Variants in FIG4 observed in about 807,000 individuals in gnomAD.
FIG4 encodes the protein FIG4 phosphoinositide 5-phosphatase.
A neutral mutation model predicts 118.6 loss-of-function variants in FIG4; 112 were observed. That is an observed-to-expected ratio of 0.94 (90% CI 0.81 to 1.11). The LOEUF (loss-of-function observed/expected upper bound fraction) is 1.11. Ranked by LOEUF, FIG4 falls within the 50% of genes least tolerant of loss-of-function variation. The pLI is 0.00. For missense variants in FIG4, 969 were observed against 1,111.7 expected, an observed-to-expected ratio of 0.87 and a Z score of 1.83; for synonymous variants, 369 against 381.2, an observed-to-expected ratio of 0.97 and a Z score of 0.37.
chr6:109,817,047 T>C (rs1778880709), intron 22 of FIG4, among the ~76,000 whole-genome samples: 1 of 152,194 alleles, frequency 6.6e-6, no homozygotes, highest in African/African-American at 2.4e-5. Context: ...GGATGACCAG[T>C]TGTGCAGAGG....
chr6:109,774,149 C>CTTT (rs1165240225), intron 15 of FIG4, among the ~76,000 whole-genome samples: 2 of 152,142 alleles, frequency 1.3e-5, no homozygotes, highest in Non-Finnish European at 2.9e-5. Context: ...GTTAATTATA[C>CTTT]AAAGTACAGA....
intron 15 of FIG4, 150 bp downstream of exon 15, chr6:109,767,045 A>G: frequency 3.0e-6 from 2 of 663,784 alleles, no homozygotes; most frequent in East Asian, 2.7e-5. Context: ...CTCAGTAAAT[A>G]TTTGTCCAAT....
chr6:109,746,590 T>C (rs1031715160), intron 10 of FIG4, among the ~76,000 whole-genome samples: 1 of 152,114 alleles, frequency 6.6e-6, no homozygotes, highest in Admixed American at 6.6e-5. Context: ...GATGCTTGTT[T>C]TGAGATGAGG....
At chr6:109,755,270 A>G (rs1405964548) in intron 10 of FIG4, among the ~76,000 whole-genome samples, 6 of 151,994 alleles carry the variant, frequency 3.9e-5, no homozygotes, top group Admixed American at 1.3e-4. Flanking sequence ...TTAATCCTGA[A>G]TTCTAGTTTG....
At chr6:109,691,963 T>C (rs1430682721) in intron 1 of FIG4, among the ~76,000 whole-genome samples, 1 of 152,256 alleles carries the variant, frequency 6.6e-6, no homozygotes, top group Non-Finnish European at 1.5e-5. Flanking sequence ...TACACTTCTA[T>C]TGGTGAACTT....
rs780555609 is a variant in FIG4 at position 109,715,176 on chromosome 6, G to A, written c.165G>A (p.Arg55=). Residue 55 remains arginine (R), a splice_region_variant and synonymous_variant, in exon 2 of 23, where the codon AGG becomes AGA. Transcript: ENST00000230124. ...AAGATTTGGTCATAATTGATGACAG[G>A]GTAAGTATCCTCCAAACCTGACTGC... ...EPKDLVIIDD[R]HVYTQQEVRE... 1 of 1,548,486 alleles carries A rather than the reference G, an allele frequency of 6.5e-7. No individual in the cohort carries two copies. Among genetic ancestry groups the A allele is most frequent in the South Asian group, 1.1e-5 (1 of 89,670 alleles).
rs780824714 is a variant in FIG4 at position 109,796,742 on chromosome 6, C to T, written c.2460-23C>T. 2.4e-5 allele frequency: 34 copies of T among 1,427,026 alleles called. No individual in the cohort carries two copies. In the South Asian group the frequency reaches 3.9e-4, roughly 16 times the overall value. The allele number at this position is 1,427,026 out of a possible 1,614,324, so 88.4% of individuals were successfully genotyped here. On this transcript the variant is annotated intron_variant, in intron 21 of 22. Transcript: ENST00000230124. ...TGCAAGTACTCCCTTCTTTAGCTGA[C>T]TCTTATCCATTGTAATTTGTAGATT...
At chr6:109,691,588 C>T in intron 1 of FIG4, 87 bp downstream of exon 1, 1 of 1,133,902 alleles carries the variant, frequency 8.8e-7, no homozygotes, top group Non-Finnish European at 1.3e-6. Context: ...CTGTACTCTG[C>T]CTCCTCCTCC....
intron 15 of FIG4, among the ~76,000 whole-genome samples, chr6:109,773,022 C>T (rs1006785492): frequency 2.0e-5 from 3 of 152,178 alleles, no homozygotes; most frequent in Admixed American, 6.5e-5. Flanking sequence ...AGCTATTGGA[C>T]TGATGTCCCA....
intron 22 of FIG4, among the ~76,000 whole-genome samples, chr6:109,822,787 GTATATATATA>G (rs10523453): frequency 0.016 from 1,944 of 120,428 alleles, 79 homozygotes; most frequent in South Asian, 0.11. Flanking sequence ...GTGTGTGTAT[GTATATATATA>G]TATATATATA....
chr6:109,760,207 T>A, intron 10 of FIG4, 43 bp from the exon 11 acceptor site: 1 of 1,569,562 alleles, frequency 6.4e-7, no homozygotes, highest in Non-Finnish European at 8.8e-7. Flanking sequence ...TTCCTCTGAT[T>A]TAAGGAAATT....
At chr6:109,754,542 A>T (rs1776819820) in intron 10 of FIG4, among the ~76,000 whole-genome samples, 1 of 152,202 alleles carries the variant, frequency 6.6e-6, no homozygotes, top group Admixed American at 6.5e-5. Flanking sequence ...TACCTCTGGT[A>T]GAATTTTGCT....
chr6:109,816,922 A>G (rs1249103308), intron 22 of FIG4, among the ~76,000 whole-genome samples: 1 of 152,218 alleles, frequency 6.6e-6, no homozygotes, highest in Non-Finnish European at 1.5e-5. Flanking sequence ...ACTGCAATCC[A>G]TTGGTCTGAG....
chr6:109,756,522 T>C (rs1283186721), intron 10 of FIG4, among the ~76,000 whole-genome samples: 1 of 152,242 alleles, frequency 6.6e-6, no homozygotes, highest in East Asian at 1.9e-4. Flanking sequence ...GATAATATCC[T>C]GCAGAGTGTT....
At chr6:109,725,693 A>G (rs1775783202) in intron 3 of FIG4, among the ~76,000 whole-genome samples, 1 of 152,158 alleles carries the variant, frequency 6.6e-6, no homozygotes, top group African/African-American at 2.4e-5. Flanking sequence ...GTCTTCCACA[A>G]TGGTTGAACT....
intron 10 of FIG4, among the ~76,000 whole-genome samples, chr6:109,751,557 G>C (rs150220297): frequency 6.6e-6 from 1 of 152,164 alleles, no homozygotes; most frequent in East Asian, 1.9e-4. Context: ...GCTTTTTTTG[G>C]TTTGTAGCCT....
At chr6:109,755,927 T>C (rs1322526610) in intron 10 of FIG4, among the ~76,000 whole-genome samples, 1 of 152,192 alleles carries the variant, frequency 6.6e-6, no homozygotes, top group Non-Finnish European at 1.5e-5. Flanking sequence ...GAGCATTTAG[T>C]CCATTTACAT....
At position 109,786,427 on chromosome 6, in the gene FIG4, T is replaced by A; in HGVS notation, c.2074T>A (p.Leu692Met). 6.2e-7 allele frequency: 1 copy of A among 1,613,948 alleles called. No homozygotes were observed. ...ELSSFDDTFC[L>M]AMTSSARDFM... The stretch of plus-strand genomic sequence containing the variant: ...GAGCAGCTTTGATGATACCTTTTGC[T>A]TGGCTATGACAAGCTCAGCACGGTA... Residue 692 changes from leucine to methionine, a missense_variant, in exon 18 of 23, where the codon TTG becomes ATG. Physicochemically the swap from Leu to Met is conservative, Grantham distance 15. This residue lies in a region of FIG4 where 330 missense variants were observed against 348.1 expected (regional missense o/e 0.95). Coordinates refer to ENST00000230124, the MANE Select transcript of FIG4 (RefSeq NM_014845.6).
intron 1 of FIG4, 35 bp downstream of exon 1, chr6:109,691,536 G>C (rs1206276231): frequency 6.5e-7 from 1 of 1,531,208 alleles, no homozygotes; most frequent in East Asian, 2.4e-5. Flanking sequence ...GCAGGCGGGA[G>C]GATGGATGTC....
Sources: allele counts gnomAD v4.1 joint callset (sites outside exome capture counted in the v4.1 genomes callset), GRCh38; gene constraint gnomAD v4.1.1; regional missense constraint gnomAD v4.1.1; transcripts MANE v1.5; gene names NCBI Gene and HGNC (gene_info 2026-07-23, HGNC 2026-07-21).